RELN: variants seen among roughly 807,000 people sequenced by gnomAD.
RELN encodes reelin.
In RELN, 108 loss-of-function variants were observed where a neutral mutation model predicts 427.6. The ratio of observed to expected loss-of-function variants is 0.25; its 90% CI spans 0.22 to 0.30. RELN has a LOEUF of 0.30. RELN is among the 10% of genes least tolerant of loss of function. The pLI, the probability that RELN is intolerant of heterozygous loss-of-function variation, is 1.00. For missense variants in RELN, 3,715 were observed against 4,302.8 expected, an observed-to-expected ratio of 0.86 and a Z score of 3.82; for synonymous variants, 1,524 against 1,513.4, an observed-to-expected ratio of 1.01 and a Z score of -0.16.
At chr7:103,855,451 C>T (rs1157296700) in intron 2 of RELN, among the ~76,000 whole-genome samples, 4 of 152,172 alleles carry the variant, frequency 2.6e-5, no homozygotes, top group Non-Finnish European at 2.9e-5. Flanking sequence ...TGGATGGGTG[C>T]AGACCAAGAG....
chr7:103,893,603 T>C (rs12705166), intron 2 of RELN, among the ~76,000 whole-genome samples: 119,495 of 152,068 alleles, frequency 0.79, 47,001 homozygotes, highest in East Asian at 0.87. Context: ...TAAATGTACA[T>C]ACACTTAAGC....
In RELN at chr7:103,904,281, G is replaced by A. The variant is rs112166243; in HGVS notation, c.337+12794C>T. Among the ~76,000 whole-genome samples, 1,474 of 152,182 alleles carry A rather than the reference G, an allele frequency of 9.7e-3. 25 individuals are homozygous for A. The highest frequency in any genetic ancestry group is 0.034 in the African/African-American group (1,403 of 41,518). ...TGATGGGCATTTGGGCTGGTTCCATGTCTTTGCTATTGTAAATAGTGCTGC... is the reference window on the plus strand; with the variant it reads ...TGATGGGCATTTGGGCTGGTTCCATATCTTTGCTATTGTAAATAGTGCTGC... On this transcript the variant is annotated intron_variant, in intron 2 of 64. Transcript: ENST00000428762.
chr7:103,936,674 C>T (rs1252725773), intron 1 of RELN, among the ~76,000 whole-genome samples: 1 of 151,922 alleles, frequency 6.6e-6, no homozygotes, highest in African/African-American at 2.4e-5. Context: ...TTCCCTCCCC[C>T]AAGAAATCTG....
chr7:103,895,426 T>C (rs1794939335), intron 2 of RELN, among the ~76,000 whole-genome samples: 1 of 152,114 alleles, frequency 6.6e-6, no homozygotes, highest in African/African-American at 2.4e-5. Context: ...ATCTGTTTGG[T>C]TTCTGGCATG....
intron 2 of RELN, among the ~76,000 whole-genome samples, chr7:103,836,422 C>T (rs986699603): frequency 6.6e-6 from 1 of 152,176 alleles, no homozygotes; most frequent in East Asian, 1.9e-4. Context: ...TCATGGCTGC[C>T]ACACTGGACA....
chr7:103,603,375 C>T lies in RELN; in HGVS notation c.3262G>A (p.Gly1088Arg), dbSNP rs748123467. ...GWESDWQEVI[G>R]GEIVKPEQGC... ...TGTTCTGGTTTTACAATTTCTCCCC[C>T]AATAACTTCTTGCCAGTCAGACTCC... is the stretch of plus-strand genomic sequence containing the variant. Residue 1088 changes from glycine to arginine, a missense_variant, in exon 24 of 65, where the codon GGG (glycine) becomes AGG (arginine). Around this residue, in one of 4 missense-constraint regions of RELN, gnomAD observed 2,208 missense variants for 2,361.7 expected, o/e 0.93. Transcript: ENST00000428762. This position sits in a 1 kb window ranked among gnomAD's most constrained non-coding sequence, Gnocchi z 4.3. 1 of 1,613,880 alleles carries T rather than the reference C, an allele frequency of 6.2e-7. No homozygotes were observed. Among genetic ancestry groups the T allele is most frequent in the Non-Finnish European group, 8.5e-7 (1 of 1,179,836 alleles).
chr7:103,518,358 G>A (rs1378906419), intron 49 of RELN, among the ~76,000 whole-genome samples: 2 of 122,280 alleles, frequency 1.6e-5, no homozygotes, highest in African/African-American at 3.3e-5. Flanking sequence ...TTAAAGATGC[G>A]GTCTTACTCT....
intron 47 of RELN, 30 bp from the exon 48 acceptor site, chr7:103,522,229 C>T (rs756108250): frequency 6.2e-7 from 1 of 1,607,852 alleles, no homozygotes; most frequent in South Asian, 1.1e-5. Flanking sequence ...GAGGAAAAGT[C>T]AACATCAGAC....
At chr7:103,581,641 T>C (rs1184452928) in intron 28 of RELN, among the ~76,000 whole-genome samples, 3 of 152,194 alleles carry the variant, frequency 2.0e-5, no homozygotes, top group African/African-American at 7.2e-5. Flanking sequence ...TGCTCCTCTG[T>C]AGTGCAACTT....
intron 11 of RELN, among the ~76,000 whole-genome samples, chr7:103,672,169 G>A (rs1833407147): frequency 6.6e-6 from 1 of 152,102 alleles, no homozygotes; most frequent in Admixed American, 6.6e-5. Context: ...GGCTACAATG[G>A]AGATTGTTCT....
At chr7:103,913,856 T>A (rs9649268) in intron 2 of RELN, among the ~76,000 whole-genome samples, 16,232 of 152,202 alleles carry the variant, frequency 0.11, 1,748 homozygotes, top group African/African-American at 0.27. Flanking sequence ...ACACATAATA[T>A]TATTTGGATA....
intron 2 of RELN, among the ~76,000 whole-genome samples, chr7:103,909,014 G>A (rs1193505299): frequency 1.3e-5 from 2 of 152,130 alleles, no homozygotes; most frequent in African/African-American, 4.8e-5. Context: ...TTTGTAAAGA[G>A]GCAGACAAAA....
rs1041115879 is a variant in RELN, at chr7:103,612,922, T to G, written c.2703-1119A>C. ...TAGTTACATGAGTCAATGTAAATAT[T>G]CCCAGGGTCAATCACACTAAAGTTT... On this transcript the variant is annotated intron_variant, in intron 20 of 64. Coordinates refer to ENST00000428762, the MANE Select transcript of RELN (RefSeq NM_005045.4). Among the ~76,000 whole-genome samples, 8 of 152,196 alleles carry G rather than the reference T, an allele frequency of 5.3e-5. No homozygotes were observed. The East Asian group carries it at 1.5e-3, about 29-fold the overall frequency.
chr7:103,716,331 C>T (rs1393087178), intron 8 of RELN, among the ~76,000 whole-genome samples: 1 of 152,160 alleles, frequency 6.6e-6, no homozygotes, highest in Non-Finnish European at 1.5e-5. Context: ...GGACTCTCTC[C>T]CCACCTCCTC....
At chr7:103,920,823 C>T (rs2116682129) in intron 1 of RELN, among the ~76,000 whole-genome samples, 1 of 152,250 alleles carries the variant, frequency 6.6e-6, no homozygotes, top group African/African-American at 2.4e-5. Flanking sequence ...ATCCACCTGC[C>T]TCAGCCTCCC....
In RELN at chr7:103,483,819, T is replaced by C. The variant is rs753877347; in HGVS notation, c.10015A>G (p.Met3339Val). The change falls in exon 62 of 65, where the codon ATG (methionine) becomes GTG (valine). Residue 3339 changes from methionine (M) to valine (V), a missense_variant. Transcript: ENST00000428762. ...CTGTTGCAGCTGTCCGTCTGCGACATGCTCCCAATTTGCAAAACAAACATG... is the reference window on the plus strand; with the variant it reads ...CTGTTGCAGCTGTCCGTCTGCGACACGCTCCCAATTTGCAAAACAAACATG... ...KIMFVLQIGSMSQTDSCNSDL... is the reference protein window; with the variant it reads ...KIMFVLQIGSVSQTDSCNSDL... The C allele has an allele frequency of 5.0e-6, 8 of 1,613,900 alleles. No homozygotes were observed. The highest frequency in any genetic ancestry group is 1.7e-5 in the Admixed American group (1 of 60,002).
At chr7:103,847,916 G>A (rs1793720421) in intron 2 of RELN, among the ~76,000 whole-genome samples, 1 of 152,254 alleles carries the variant, frequency 6.6e-6, no homozygotes, top group African/African-American at 2.4e-5. Flanking sequence ...GTTCTGGACA[G>A]GTAGCCAGCA....
At chr7:103,591,500 T>A (rs1448789477) in intron 27 of RELN, among the ~76,000 whole-genome samples, 1 of 152,206 alleles carries the variant, frequency 6.6e-6, no homozygotes, top group South Asian at 2.1e-4. Flanking sequence ...TAGTAGAAAT[T>A]TTATTGTGCA....
At chr7:103,868,492 A>G (rs1794252736) in intron 2 of RELN, among the ~76,000 whole-genome samples, 1 of 152,124 alleles carries the variant, frequency 6.6e-6, no homozygotes, top group African/African-American at 2.4e-5. Context: ...TTCATCTACT[A>G]AGAAATTGTC....
Sources: gnomAD v4.1 joint callset for allele counts (sites outside exome capture counted in the v4.1 genomes callset) on GRCh38, gnomAD v4.1.1 for gene constraint, gnomAD v4.1.1 regional missense constraint, Gnocchi (gnomAD v3.1) non-coding constraint, MANE v1.5 for transcripts, NCBI Gene and HGNC (gene_info 2026-07-23, HGNC 2026-07-21) for gene names.